Variants in NDUFA9 observed in about 807,000 individuals in gnomAD.
The protein encoded by NDUFA9 is NADH dehydrogenase [ubiquinone] 1 alpha subcomplex subunit 9, mitochondrial.
Under a neutral mutation model 45.9 loss-of-function variants are expected in NDUFA9, and 23 were observed. That is an observed-to-expected ratio of 0.50 (90% CI 0.36 to 0.71). NDUFA9 has a LOEUF of 0.71. Ranked by LOEUF, NDUFA9 falls within the 30% of genes least tolerant of loss-of-function variation. The pLI is 0.00. For synonymous variants in NDUFA9, 176 were observed against 170.5 expected (o/e 1.03, Z -0.25); for missense variants, 466 against 488.2 (o/e 0.95, Z 0.43).
In NDUFA9 at chr12:4,692,847, C is replaced by T. The variant is rs568900737; in HGVS notation, c.*5739C>T. The stretch of plus-strand genomic sequence containing the variant: ...ATTTTGTATTGCCATAAAGGAGTAC[C>T]TGAAGCTGGGTAATTAATAAAGAAA... On this transcript the variant is annotated 3_prime_UTR_variant, in exon 11 of 11. Transcript: ENST00000266544. 2 of 152,864 alleles carry T rather than the reference C, an allele frequency of 1.3e-5. No individual in the cohort carries two copies. The highest frequency in any genetic ancestry group is 4.8e-5 in the African/African-American group (2 of 41,552). The allele number at this position is 152,864 out of a possible 1,614,324, so 9.5% of individuals were successfully genotyped here. A position where few individuals can be genotyped will look rare whatever the true frequency, so the allele number is the denominator to read the frequency against.
intron 6 of NDUFA9, among the ~76,000 whole-genome samples, chr12:4,666,004 T>C (rs944833072): frequency 6.6e-6 from 1 of 152,086 alleles, no homozygotes; most frequent in East Asian, 1.9e-4. Context: ...CAGGTCTTGC[T>C]CTCTTGCCCG....
Position 4,687,103 on chromosome 12 carries a change from A to G in NDUFA9, c.1129A>G (p.Ile377Val). 1 of 1,614,112 alleles carries G rather than the reference A, an allele frequency of 6.2e-7. No individual in the cohort carries two copies. Among genetic ancestry groups the G allele is most frequent in the Non-Finnish European group, 8.5e-7 (1 of 1,180,026 alleles). Residue 377 changes from isoleucine to valine, a missense_variant, in exon 11 of 11, where the codon ATT (isoleucine) becomes GTT (valine). Physicochemically the swap from Ile to Val is conservative, Grantham distance 29. Coordinates refer to ENST00000266544, the MANE Select transcript of NDUFA9 (RefSeq NM_005002.5). ...TGTGAAGCCGGCCAAGACCGTCAAC[A>G]TTTAGTGCCTCCTGAGCAGCTCTTG... ...EDVKPAKTVN[I>V] is the part of the protein sequence containing the mutation.
intron 7 of NDUFA9, among the ~76,000 whole-genome samples, chr12:4,669,077 A>G (rs1252498248): frequency 2.6e-5 from 4 of 152,304 alleles, no homozygotes; most frequent in East Asian, 3.9e-4. Context: ...TCCATGTTAG[A>G]TTGAACCAAG....
chr12:4,677,754 A>G (rs886368198), intron 8 of NDUFA9, among the ~76,000 whole-genome samples: 1 of 152,194 alleles, frequency 6.6e-6, no homozygotes, highest in Admixed American at 6.5e-5. Context: ...TCGAAGTAGA[A>G]ATACCATTTG....
At chr12:4,682,763 G>A (rs987672465) in intron 9 of NDUFA9, among the ~76,000 whole-genome samples, 1 of 152,162 alleles carries the variant, frequency 6.6e-6, no homozygotes, top group African/African-American at 2.4e-5. Context: ...TCTTCTCTTT[G>A]TGGGTTAAAT....
At chr12:4,680,273 A>G (rs923411587) in intron 8 of NDUFA9, among the ~76,000 whole-genome samples, 13 of 152,184 alleles carry the variant, frequency 8.5e-5, no homozygotes, top group Admixed American at 7.9e-4. Context: ...AATCAGTTCA[A>G]TTGTATTTCG....
intron 6 of NDUFA9, among the ~76,000 whole-genome samples, chr12:4,666,846 T>G (rs1400156077): frequency 6.6e-6 from 1 of 152,230 alleles, no homozygotes. Context: ...TTGTTTTGGC[T>G]ATTTAAAGGA....
rs551843440 is a variant in NDUFA9 at position 4,684,851 on chromosome 12, G to A, written c.897-408G>A. On this transcript the variant is annotated intron_variant, in intron 9 of 10. Transcript: ENST00000266544. ...AAGGGCCCCAGCTTTCAGGGGTTAC[G>A]TTGTATATTTTACACACCATTCAGC... 15 of 408,878 alleles carry A rather than the reference G, an allele frequency of 3.7e-5. No individual in the cohort carries two copies. The East Asian group carries it at 4.3e-4, about 12-fold the overall frequency. 25.3% of individuals were successfully genotyped at this position (408,878 alleles called of 1,614,324 possible). A position where few individuals can be genotyped will look rare whatever the true frequency, so the allele number is the denominator to read the frequency against.
rs114477218 is a variant in NDUFA9 at position 4,650,511 on chromosome 12, C to T, written c.49+1336C>T. Among the ~76,000 whole-genome samples, 1,172 of 152,250 alleles carry T rather than the reference C, an allele frequency of 7.7e-3. 14 individuals are homozygous for T. Among genetic ancestry groups the T allele is most frequent in the African/African-American group, 0.027 (1,112 of 41,536 alleles). ...TACTTTCCTCTGACTGACACCATAGCTTGTGTTCTTAACCACTCTGCGTTA... is the reference window on the plus strand; with the variant it reads ...TACTTTCCTCTGACTGACACCATAGTTTGTGTTCTTAACCACTCTGCGTTA... On this transcript the variant is annotated intron_variant, in intron 1 of 10. Coordinates refer to ENST00000266544, the MANE Select transcript of NDUFA9 (RefSeq NM_005002.5).
chr12:4,652,769 C>T (rs1375418641), intron 1 of NDUFA9, among the ~76,000 whole-genome samples: 5 of 152,226 alleles, frequency 3.3e-5, no homozygotes, highest in Admixed American at 1.3e-4. Context: ...ATGCTGGACA[C>T]CTGCCAAGAG....
chr12:4,657,973 A>G (rs923223351), intron 4 of NDUFA9, 134 bp downstream of exon 4: 1 of 707,110 alleles, frequency 1.4e-6, no homozygotes, highest in African/African-American at 1.8e-5. Context: ...TTGAACAACC[A>G]CTTGCATACC....
chr12:4,658,932 G>A (rs916940464), intron 4 of NDUFA9, 104 bp from the exon 5 acceptor site: 7 of 1,174,420 alleles, frequency 6.0e-6, no homozygotes, highest in Middle Eastern at 3.0e-4. Context: ...AAAAGTTTAA[G>A]TAGTGTGAAT....
intron 8 of NDUFA9, among the ~76,000 whole-genome samples, chr12:4,680,378 G>A (rs1945945285): frequency 6.6e-6 from 1 of 152,152 alleles, no homozygotes; most frequent in African/African-American, 2.4e-5. Flanking sequence ...AGTGGGTAGG[G>A]GCCTGGGAGA....
chr12:4,684,851 G>T, intron 9 of NDUFA9: 1 of 408,880 alleles, frequency 2.4e-6, no homozygotes, highest in East Asian at 3.6e-5. Flanking sequence ...CAGGGGTTAC[G>T]TTGTATATTT....
intron 1 of NDUFA9, among the ~76,000 whole-genome samples, chr12:4,649,623 A>C (rs1358984992): frequency 6.6e-6 from 1 of 152,168 alleles, no homozygotes; most frequent in African/African-American, 2.4e-5. Flanking sequence ...CACAATGGAA[A>C]TGATAATATT....
chr12:4,664,454 A>G (rs918630445), intron 6 of NDUFA9, among the ~76,000 whole-genome samples: 15 of 152,250 alleles, frequency 9.9e-5, no homozygotes, highest in Non-Finnish European at 1.5e-5. Context: ...AAAGGGAAGA[A>G]TGACCCCAAA....
At chr12:4,674,144 GC>G (rs1050441894) in intron 8 of NDUFA9, among the ~76,000 whole-genome samples, 2 of 152,178 alleles carry the variant, frequency 1.3e-5, no homozygotes, top group Admixed American at 1.3e-4. Flanking sequence ...CACCAGGCCT[GC>G]CTTACAAGAG....
intron 8 of NDUFA9, among the ~76,000 whole-genome samples, chr12:4,675,061 T>C (rs1017625534): frequency 6.6e-6 from 1 of 152,220 alleles, no homozygotes; most frequent in Non-Finnish European, 1.5e-5. Flanking sequence ...TGCTCCTGAA[T>C]GACTACGGGC....
intron 8 of NDUFA9, among the ~76,000 whole-genome samples, chr12:4,676,927 A>T (rs1714014572): frequency 6.6e-6 from 1 of 152,262 alleles, no homozygotes; most frequent in Non-Finnish European, 1.5e-5. Context: ...TAACCAAAAC[A>T]GCACGGTACT....
Sources: gnomAD v4.1 joint callset for allele counts (sites outside exome capture counted in the v4.1 genomes callset) on GRCh38, gnomAD v4.1.1 for gene constraint, MANE v1.5 for transcripts, NCBI Gene and HGNC (gene_info 2026-07-23, HGNC 2026-07-21) for gene names.